KDM2B: variants seen among roughly 807,000 people sequenced by gnomAD.
KDM2B encodes the protein lysine demethylase 2B.
Under a neutral mutation model 150.0 loss-of-function variants are expected in KDM2B, and 26 were observed. The ratio of observed to expected loss-of-function variants is 0.17; its 90% CI spans 0.13 to 0.24. The LOEUF (loss-of-function observed/expected upper bound fraction) is 0.24. Among genes scored for constraint, KDM2B ranks in the 10% least tolerant of loss-of-function variants. KDM2B has a pLI of 1.00. For missense variants in KDM2B, 1,265 were observed against 1,816.9 expected, an observed-to-expected ratio of 0.70 and a Z score of 5.52; for synonymous variants, 734 against 729.5, an observed-to-expected ratio of 1.01 and a Z score of -0.10.
intron 13 of KDM2B, among the ~76,000 whole-genome samples, chr12:121,446,259 G>A (rs562175562): frequency 1.4e-4 from 22 of 152,296 alleles, no homozygotes; most frequent in South Asian, 2.1e-4. Context: ...TTAGCCGGGC[G>A]TGGTGGCGGG....
intron 22 of KDM2B, among the ~76,000 whole-genome samples, chr12:121,432,039 C>G (rs1873142516): frequency 6.6e-6 from 1 of 151,850 alleles, no homozygotes; most frequent in South Asian, 2.1e-4. Context: ...GGCCACCACG[C>G]CTGGCTAATT....
chr12:121,494,522 C>CAGGAGGTGGGA (rs1157747365), intron 12 of KDM2B, 57 bp downstream of exon 12: 3 of 1,391,786 alleles, frequency 2.2e-6, no homozygotes, highest in Non-Finnish European at 3.0e-6. Context: ...GTTCACCCTA[C>CAGGAGGTGGGA]AGGAGGTGGG....
At position 121,510,792 on chromosome 12, in the gene KDM2B, CAAA is replaced by C. The variant is rs869198535; in HGVS notation, c.1175-756_1175-754del. 4.6e-4 allele frequency among the ~76,000 whole-genome samples: 45 copies of C among 98,806 alleles called. 1 individual carries two copies. The highest frequency in any genetic ancestry group is 2.4e-3 in the African/African-American group (41 of 16,746). 64.8% of individuals were successfully genotyped at this position (98,806 alleles called of 152,430 possible). ...TGGGCAACAGAGCAAGGCCCTGTCT[CAAA>C]AAATAATAATAATAATAATAATAAT... On this transcript the variant is annotated intron_variant, in intron 10 of 22. Coordinates refer to ENST00000377071, the MANE Select transcript of KDM2B (RefSeq NM_032590.5).
chr12:121,455,545 A>G (rs1443099055), intron 12 of KDM2B, among the ~76,000 whole-genome samples: 1 of 152,092 alleles, frequency 6.6e-6, no homozygotes, highest in African/African-American at 2.4e-5. Flanking sequence ...ACCTACAAAA[A>G]ATTTTTAAAA....
At chr12:121,408,692 CTGGA>C in the KDM2B span, among the ~76,000 whole-genome samples, 1 of 152,160 alleles carries the variant, frequency 6.6e-6, no homozygotes, top group Non-Finnish European at 1.5e-5. Flanking sequence ...GATTTATCTT[CTGGA>C]TGGATTCTTC....
rs1883266693 is a variant in KDM2B at position 121,490,868 on chromosome 12, T to C, written c.1734+3711A>G. Among the ~76,000 whole-genome samples, 3 of 152,306 alleles carry C rather than the reference T, an allele frequency of 2.0e-5. No homozygotes were observed. The South Asian group carries it at 6.2e-4, about 32-fold the overall frequency. ...CAAGGTGGGAGATCAAAGCATTTCT[T>C]GCTAATCATCACTTAGCATTAATTA... On this transcript the variant is annotated intron_variant, in intron 12 of 22. Transcript: ENST00000377071.
rs35681515 is a variant in KDM2B, at chr12:121,477,579, CTTTTTT to C, written c.1734+16994_1734+16999del. On this transcript the variant is annotated intron_variant, in intron 12 of 22. Coordinates refer to ENST00000377071, the MANE Select transcript of KDM2B (RefSeq NM_032590.5). ...TTTTCTTCTTTTCTTTTTGTCTTTC[CTTTTTT>C]TTTTTTTTGGAGATGGAGTTTTGCT... Among the ~76,000 whole-genome samples the C allele has an allele frequency of 4.7e-4, 64 of 134,782 alleles. 1 individual carries two copies. Among genetic ancestry groups the C allele is most frequent in the African/African-American group, 1.8e-3 (64 of 35,662 alleles). The allele number at this position is 134,782 out of a possible 152,430, so 88.4% of individuals were successfully genotyped here. A position where few individuals can be genotyped will look rare whatever the true frequency, so the allele number is the denominator to read the frequency against.
At chr12:121,415,099 GAAA>G in the KDM2B span, among the ~76,000 whole-genome samples, 1 of 150,846 alleles carries the variant, frequency 6.6e-6, no homozygotes, top group Non-Finnish European at 1.5e-5. Flanking sequence ...TCCATCTCAA[GAAA>G]AAAAAGAATT....
chr12:121,542,664 T>C (rs1046623391), intron 6 of KDM2B, among the ~76,000 whole-genome samples: 2 of 152,212 alleles, frequency 1.3e-5, no homozygotes, highest in Non-Finnish European at 2.9e-5. Flanking sequence ...ATAAGGAATT[T>C]TCTAAGACAA....
chr12:121,576,371 A>G (rs1211389172), intron 2 of KDM2B, among the ~76,000 whole-genome samples: 2 of 152,244 alleles, frequency 1.3e-5, no homozygotes, highest in South Asian at 2.1e-4. Flanking sequence ...TATCCTGCAT[A>G]GTGAAGGGGA....
At chr12:121,497,458 C>T (rs1555301228) in intron 11 of KDM2B, among the ~76,000 whole-genome samples, 1 of 152,062 alleles carries the variant, frequency 6.6e-6, no homozygotes, top group Non-Finnish European at 1.5e-5. Context: ...GCGTGTGCCA[C>T]CACCCCTGGC....
chr12:121,475,410 T>C (rs1287241753), intron 12 of KDM2B, among the ~76,000 whole-genome samples: 1 of 145,482 alleles, frequency 6.9e-6, no homozygotes, highest in African/African-American at 2.6e-5. Context: ...GGCAACACAC[T>C]GAGACCCTGT....
chr12:121,440,907 C>T lies in KDM2B; in HGVS notation c.3519G>A (p.Pro1173=). 4 of 1,614,044 alleles carry T rather than the reference C, an allele frequency of 2.5e-6. No homozygotes were observed. The highest frequency in any genetic ancestry group is 1.6e-4 in the Middle Eastern group (1 of 6,062). Residue 1173 remains proline, a synonymous_variant, in exon 21 of 23, where the codon CCG becomes CCA. Transcript: ENST00000377071. ...AVSALCSSSC[P]LLRTLDVQWV... ...ACTGGACATCCAGGGTCCGGAGCAG[C>T]GGACAACTGGAGCTGCAAAGGGCCG...
At chr12:121,448,655 G>C (rs1394339584) in intron 13 of KDM2B, among the ~76,000 whole-genome samples, 1 of 152,046 alleles carries the variant, frequency 6.6e-6, no homozygotes, top group Non-Finnish European at 1.5e-5. Context: ...GGATATACAC[G>C]CCATTGGTAA....
chr12:121,497,113 A>C (rs1884047500), intron 11 of KDM2B, among the ~76,000 whole-genome samples: 1 of 152,080 alleles, frequency 6.6e-6, no homozygotes, highest in South Asian at 2.1e-4. Context: ...GTGGTCAAGA[A>C]TGTTGGCTCT....
intron 9 of KDM2B, among the ~76,000 whole-genome samples, chr12:121,515,451 C>T (rs1309797933): frequency 4.4e-5 from 1 of 22,580 alleles, no homozygotes; most frequent in Non-Finnish European, 9.0e-5. Flanking sequence ...AAATCGCACT[C>T]GCCACCCCCT....
At chr12:121,461,713 A>G (rs1000997746) in intron 12 of KDM2B, among the ~76,000 whole-genome samples, 1 of 152,152 alleles carries the variant, frequency 6.6e-6, no homozygotes, top group Admixed American at 6.5e-5. Flanking sequence ...ACAGCCAAGG[A>G]AGGTGTTGCC....
chr12:121,450,029 A>G (rs1876953194), intron 13 of KDM2B, among the ~76,000 whole-genome samples: 1 of 152,124 alleles, frequency 6.6e-6, no homozygotes, highest in Admixed American at 6.5e-5. Context: ...CCCCAAAAGA[A>G]AGCCGATCTA....
rs988267123 is a variant in KDM2B at position 121,442,835 on chromosome 12, C to T, written c.2606G>A (p.Arg869Gln). ...GKEDKLFRKKRRSWKNAEDRM... is the reference protein window; with the variant it reads ...GKEDKLFRKKQRSWKNAEDRM... ...GTCCTCGGCGTTCTTCCAGGACCGCCGCTGAGGGCGAGAGCGGAGACGCGT... is the reference window on the plus strand; with the variant it reads ...GTCCTCGGCGTTCTTCCAGGACCGCTGCTGAGGGCGAGAGCGGAGACGCGT... Residue 869 changes from arginine to glutamine, a missense_variant and splice_region_variant, in exon 19 of 23, where the codon CGG becomes CAG. Coordinates refer to ENST00000377071, the MANE Select transcript of KDM2B (RefSeq NM_032590.5). This position sits in a 1 kb window ranked among gnomAD's most constrained non-coding sequence, Gnocchi z 7.7. 3 of 1,517,828 alleles carry T rather than the reference C, an allele frequency of 2.0e-6. No homozygotes were observed. The highest frequency in any genetic ancestry group is 1.3e-5 in the South Asian group (1 of 75,008). 94.0% of individuals were successfully genotyped at this position (1,517,828 alleles called of 1,614,324 possible).
Sources: allele counts gnomAD v4.1 joint callset (sites outside exome capture counted in the v4.1 genomes callset), GRCh38; gene constraint gnomAD v4.1.1; non-coding constraint Gnocchi (gnomAD v3.1); transcripts MANE v1.5; gene names NCBI Gene and HGNC (gene_info 2026-07-23, HGNC 2026-07-21).